Variants in AFF3 observed in about 807,000 individuals in gnomAD.
AFF3 encodes the protein AF4/FMR2 family member 3.
In AFF3, 32 loss-of-function variants were observed where a neutral mutation model predicts 129.7. The ratio of observed to expected loss-of-function variants is 0.25; its 90% CI spans 0.19 to 0.33. The LOEUF is 0.33. Ranked by LOEUF, AFF3 falls within the 10% of genes least tolerant of loss-of-function variation. AFF3 has a pLI of 1.00. For synonymous variants in AFF3, 644 were observed against 635.4 expected (o/e 1.01, Z -0.20); for missense variants, 1,373 against 1,592.0 (o/e 0.86, Z 2.34).
intron 12 of AFF3, among the ~76,000 whole-genome samples, chr2:99,652,186 T>C (rs566313266): frequency 1.1e-4 from 17 of 151,994 alleles, no homozygotes; most frequent in Admixed American, 2.6e-4. Flanking sequence ...CAAGGAAGGA[T>C]GTGGTCAGGA....
chr2:99,845,634 A>G (rs1417840822), intron 7 of AFF3, among the ~76,000 whole-genome samples: 1 of 152,102 alleles, frequency 6.6e-6, no homozygotes, highest in Non-Finnish European at 1.5e-5. Flanking sequence ...TGATAAGAAT[A>G]CTTTAAGATT....
Position 99,895,503 on chromosome 2 carries a change from C to G in AFF3, c.874-57979G>C, listed in dbSNP as rs181374241. On this transcript the variant is annotated intron_variant, in intron 7 of 24. Coordinates refer to ENST00000672756, the MANE Select transcript of AFF3 (RefSeq NM_001386135.1). ...TCCCTTATATATTATTGAACTGCATCCATTTACATAACCTTCTGAAGTCAG... is the reference window on the plus strand; with the variant it reads ...TCCCTTATATATTATTGAACTGCATGCATTTACATAACCTTCTGAAGTCAG... Among the ~76,000 whole-genome samples, 56 of 152,284 alleles carry G rather than the reference C, an allele frequency of 3.7e-4. 1 individual carries two copies. The highest frequency in any genetic ancestry group is 1.3e-3 in the African/African-American group (55 of 41,564).
intron 7 of AFF3, among the ~76,000 whole-genome samples, chr2:99,960,721 T>C (rs567961068): frequency 2.6e-5 from 4 of 152,316 alleles, no homozygotes; most frequent in African/African-American, 9.6e-5. Flanking sequence ...ACAGGGGTCC[T>C]CCAAATTCAG....
chr2:99,568,559 A>T (rs1041944311), intron 19 of AFF3, among the ~76,000 whole-genome samples: 1 of 152,168 alleles, frequency 6.6e-6, no homozygotes, highest in African/African-American at 2.4e-5. Context: ...TTACTTTTTA[A>T]AGGAAAAAAA....
intron 11 of AFF3, among the ~76,000 whole-genome samples, chr2:99,711,407 T>C (rs1207171698): frequency 6.6e-6 from 1 of 152,156 alleles, no homozygotes; most frequent in African/African-American, 2.4e-5. Flanking sequence ...TGAGACAACA[T>C]GTCCAGTAGA....
chr2:99,560,478 A>T (rs1268062151), intron 20 of AFF3, 42 bp from the exon 21 acceptor site: 1 of 1,571,744 alleles, frequency 6.4e-7, no homozygotes, highest in Admixed American at 1.7e-5. Context: ...AAAAACATAA[A>T]AAGCAAAGAA....
chr2:99,584,961 T>G (rs1012627526), intron 16 of AFF3, among the ~76,000 whole-genome samples: 4 of 152,336 alleles, frequency 2.6e-5, no homozygotes, highest in Admixed American at 2.0e-4. Flanking sequence ...GTTCTGAATG[T>G]TATGCAAATG....
At chr2:100,129,770 A>G (rs1315683565) in intron 1 of AFF3, among the ~76,000 whole-genome samples, 1 of 152,218 alleles carries the variant, frequency 6.6e-6, no homozygotes, top group Admixed American at 6.5e-5. Context: ...AATCCTCACA[A>G]CAACCCAGAT....
At position 99,785,076 on chromosome 2, in the gene AFF3, A is replaced by G. The variant is rs77815855; in HGVS notation, c.922-32775T>C. 1.3e-3 allele frequency among the ~76,000 whole-genome samples: 204 copies of G among 152,264 alleles called. 6 individuals are homozygous for G. The East Asian group carries it at 0.035, about 26-fold the overall frequency. ...TCTGAGGTTTTAGTCACTTATCCTC[A>G]TTTATATCCCTGCTTGTGTCCCGGT... On this transcript the variant is annotated intron_variant, in intron 8 of 24. Transcript: ENST00000672756.
chr2:100,038,411 G>A (rs1168859222), intron 4 of AFF3, among the ~76,000 whole-genome samples: 1 of 151,618 alleles, frequency 6.6e-6, no homozygotes, highest in Admixed American at 6.6e-5. Flanking sequence ...AAAGAGAAGG[G>A]CTGCTCTGAT....
At chr2:99,567,991 C>T (rs923395328) in intron 19 of AFF3, among the ~76,000 whole-genome samples, 1 of 152,166 alleles carries the variant, frequency 6.6e-6, no homozygotes, top group East Asian at 1.9e-4. Flanking sequence ...TTTTCTGATA[C>T]GTAGGGGTTA....
At chr2:100,026,579 C>T (rs541509971) in intron 4 of AFF3, among the ~76,000 whole-genome samples, 135 of 151,944 alleles carry the variant, frequency 8.9e-4, no homozygotes, top group Admixed American at 9.8e-4. Flanking sequence ...AGTCGTTATA[C>T]GAAAAAGATA....
At chr2:100,001,968 G>A (rs1681460534) in intron 7 of AFF3, among the ~76,000 whole-genome samples, 1 of 152,230 alleles carries the variant, frequency 6.6e-6, no homozygotes, top group Non-Finnish European at 1.5e-5. Flanking sequence ...ACAGGAGGAA[G>A]CGCAGAGCGT....
At chr2:99,740,403 G>A (rs1445017895) in intron 10 of AFF3, among the ~76,000 whole-genome samples, 1 of 151,112 alleles carries the variant, frequency 6.6e-6, no homozygotes, top group Non-Finnish European at 1.5e-5. Context: ...CTTCCACAAT[G>A]GTTGAACTAG....
intron 2 of AFF3, among the ~76,000 whole-genome samples, chr2:100,116,677 T>C (rs1691747991): frequency 6.6e-6 from 1 of 152,166 alleles, no homozygotes; most frequent in African/African-American, 2.4e-5. Flanking sequence ...TGTTGTCATG[T>C]ACTTAATTTT....
At chr2:99,551,631 C>T in intron 24 of AFF3, 36 bp from the exon 25 acceptor site, 1 of 1,613,446 alleles carries the variant, frequency 6.2e-7, no homozygotes, top group Non-Finnish European at 8.5e-7. Flanking sequence ...GAATGCCACA[C>T]ATGCTAGGTG....
intron 8 of AFF3, among the ~76,000 whole-genome samples, chr2:99,815,291 G>C (rs1576071037): frequency 6.6e-6 from 1 of 152,176 alleles, no homozygotes; most frequent in East Asian, 1.9e-4. Context: ...ATTTCTAGGT[G>C]TACAGTTCAG....
At chr2:100,113,044 C>T (rs1010166095) in intron 2 of AFF3, among the ~76,000 whole-genome samples, 8 of 152,152 alleles carry the variant, frequency 5.3e-5, no homozygotes, top group Non-Finnish European at 1.0e-4. Context: ...AGTGTCAGCC[C>T]AAATCCCCAT....
chr2:99,697,620 GAGGAA>G (rs2104741510), intron 11 of AFF3, among the ~76,000 whole-genome samples: 1 of 152,348 alleles, frequency 6.6e-6, no homozygotes, highest in Non-Finnish European at 1.5e-5. Context: ...ATCAGAATAA[GAGGAA>G]AATAGATCCT....
Sources: allele counts gnomAD v4.1 joint callset (sites outside exome capture counted in the v4.1 genomes callset), GRCh38; gene constraint gnomAD v4.1.1; transcripts MANE v1.5; gene names NCBI Gene and HGNC (gene_info 2026-07-23, HGNC 2026-07-21).